The following SEZ6L2 variants were observed in gnomAD, a reference collection of about 807,000 sequenced individuals.
The protein encoded by SEZ6L2 is seizure related 6 homolog like 2.
A neutral mutation model predicts 97.0 loss-of-function variants in SEZ6L2; 44 were observed. The ratio of observed to expected loss-of-function variants is 0.45; its 90% CI spans 0.36 to 0.58. SEZ6L2 has a LOEUF of 0.58. SEZ6L2 is among the 20% of genes least tolerant of loss of function. The pLI is 0.00. For synonymous variants in SEZ6L2, 543 were observed against 546.1 expected, an observed-to-expected ratio of 0.99 and a Z score of 0.08; for missense variants, 1,086 against 1,233.3, an observed-to-expected ratio of 0.88 and a Z score of 1.79.
Position 29,873,725 on chromosome 16 carries a change from C to A in SEZ6L2, c.2109G>T (p.Met703Ile). 1 of 1,577,584 alleles carries A rather than the reference C, an allele frequency of 6.3e-7. No homozygotes were observed. Reference sequence around the variant, plus strand: ...CAATCTCGCCAGGGTCAGCACAAGTCATGACTGGTGGCAGAAGAACAAGGT... The same window carrying A: ...CAATCTCGCCAGGGTCAGCACAAGTAATGACTGGTGGCAGAAGAACAAGGT... The part of the protein sequence containing the change: ...SAAPPACQKI[M>I]TCADPGEIAN... Residue 703 changes from methionine to isoleucine, a missense_variant, in exon 13 of 18, where the codon ATG becomes ATT. Physicochemically the swap from Met to Ile is conservative, Grantham distance 10. Transcript: ENST00000617533. The surrounding 1 kb of genome is among the most constrained non-coding windows in gnomAD (Gnocchi z 4.3).
At chr16:29,885,477 C>A (rs544783124) in intron 8 of SEZ6L2, 109 bp downstream of exon 8, 3 of 1,221,148 alleles carry the variant, frequency 2.5e-6, no homozygotes, top group Admixed American at 2.0e-5. Context: ...TTTCAAGGAA[C>A]CCAGCACGGA....
At chr16:29,887,123 G>A (rs1305062620) in intron 7 of SEZ6L2, among the ~76,000 whole-genome samples, 1 of 150,082 alleles carries the variant, frequency 6.7e-6, no homozygotes, top group Non-Finnish European at 1.5e-5. Flanking sequence ...AGAGGTTGCG[G>A]TAAGCCAAGA....
Position 29,887,757 on chromosome 16 carries a change from C to T in SEZ6L2, c.1100G>A (p.Gly367Glu). The change falls in exon 7 of 18, where the codon GGG (glycine) becomes GAG (glutamate). Residue 367 changes from glycine to glutamate, a missense_variant. By Grantham distance (98) the Gly-to-Glu change is moderately conservative. Transcript: ENST00000617533. The part of the protein sequence containing the change: ...TLGRIVSPEP[G>E]GAVGPNLTCR... ...GGTGAGGTTGGGCCCTACGGCTCCC[C>T]CAGGCTCTGGGGACACGATGCGGCC... 1 of 1,613,852 alleles carries T rather than the reference C, an allele frequency of 6.2e-7. No individual in the cohort carries two copies.
intron 6 of SEZ6L2, 55 bp downstream of exon 6, chr16:29,888,485 C>A (rs2068195170): frequency 1.3e-6 from 2 of 1,569,632 alleles, no homozygotes; most frequent in African/African-American, 2.7e-5. Flanking sequence ...GAGATAGGAC[C>A]CTCCCAATGG....
intron 5 of SEZ6L2, among the ~76,000 whole-genome samples, chr16:29,890,753 T>C (rs2068254882): frequency 7.1e-6 from 1 of 139,974 alleles, no homozygotes; most frequent in African/African-American, 2.7e-5. Context: ...CTTTTTTTTT[T>C]TTTTTTTTTT....
rs1361459533 is a variant in SEZ6L2 at position 29,873,195 on chromosome 16, T to C, written c.2488+45A>G. 1 of 1,603,918 alleles carries C rather than the reference T, an allele frequency of 6.2e-7. No individual in the cohort carries two copies. The highest frequency in any genetic ancestry group is 1.3e-5 in the African/African-American group (1 of 74,804). On this transcript the variant is annotated intron_variant, in intron 14 of 17. Coordinates refer to ENST00000617533, the MANE Select transcript of SEZ6L2 (RefSeq NM_001243332.2). The surrounding 1 kb of genome is among the most constrained non-coding windows in gnomAD (Gnocchi z 4.3). ...TACCTGACTCTCCCAGCCCTGTCACTTCCCGGACACTGGTGTGCCCCTCCT... is the reference window on the plus strand; with the variant it reads ...TACCTGACTCTCCCAGCCCTGTCACCTCCCGGACACTGGTGTGCCCCTCCT...
rs749785731 is a variant in SEZ6L2 at position 29,872,503 on chromosome 16, G to A, written c.2551C>T (p.Arg851Trp). Residue 851 changes from arginine (R) to tryptophan (W), a missense_variant, in exon 16 of 18, where the codon CGG becomes TGG. Arg to Trp is a moderately radical substitution (Grantham distance 101, BLOSUM62 -3). Around this residue, in one of 2 missense-constraint regions of SEZ6L2, gnomAD observed 310 missense variants for 438.6 expected, o/e 0.71. Transcript: ENST00000617533. ...GCCAGGTTCCCCCCTTCCAGCTGCC[G>A]TGATGGATCTGTGGTCTGGGTCACT... ...LEVTQTTDPS[R>W]QLEGGNLALA... is the part of the protein sequence containing the mutation. 4.2e-5 allele frequency: 68 copies of A among 1,614,060 alleles called. No individual in the cohort carries two copies. The highest frequency in any genetic ancestry group is 3.3e-4 in the Middle Eastern group (2 of 6,084).
In SEZ6L2 at chr16:29,887,689, G is replaced by A. The variant is rs941802953; in HGVS notation, c.1168C>T (p.Leu390=). ...TCCAGCGAGACCCTTTCAAAGTGCA[G>A]GTGCAGCCGGCGCCCCTCAGCTGCT... ...IEAAEGRRLH[L]HFERVSLDED... The change falls in exon 7 of 18, where the codon CTG becomes TTG. Residue 390 remains leucine, a synonymous_variant. Coordinates refer to ENST00000617533, the MANE Select transcript of SEZ6L2 (RefSeq NM_001243332.2). 6.2e-7 allele frequency: 1 copy of A among 1,606,528 alleles called. No individual in the cohort carries two copies. Among genetic ancestry groups the A allele is most frequent in the Non-Finnish European group, 8.5e-7 (1 of 1,175,630 alleles).
At chr16:29,877,578 C>A (rs1199782628) in intron 10 of SEZ6L2, 111 bp from the exon 11 acceptor site, 2 of 988,844 alleles carry the variant, frequency 2.0e-6, no homozygotes, top group South Asian at 3.6e-5. Flanking sequence ...TCTCCAGCCC[C>A]GCCCATATTC....
chr16:29,889,548 C>T (rs1207912463), intron 5 of SEZ6L2, among the ~76,000 whole-genome samples: 1 of 151,500 alleles, frequency 6.6e-6, no homozygotes, highest in Non-Finnish European at 1.5e-5. Flanking sequence ...GCCTTTCTTC[C>T]ACCAAGGTGC....
Position 29,899,161 on chromosome 16 carries a change from T to C in SEZ6L2, c.-142A>G, listed in dbSNP as rs2068477548. 1.5e-6 allele frequency: 1 copy of C among 666,062 alleles called. No individual in the cohort carries two copies. The highest frequency in any genetic ancestry group is 2.0e-5 in the African/African-American group (1 of 51,136). 41.3% of individuals were successfully genotyped at this position (666,062 alleles called of 1,614,324 possible). A position where few individuals can be genotyped will look rare whatever the true frequency, so the allele number is the denominator to read the frequency against. ...CGTAGGAGTCAGCAAAGAAAGACAATTTCTCTGCCCCTTGGGATGGAGGGG... is the reference window on the plus strand; with the variant it reads ...CGTAGGAGTCAGCAAAGAAAGACAACTTCTCTGCCCCTTGGGATGGAGGGG... On this transcript the variant is annotated 5_prime_UTR_variant, in exon 1 of 18. Coordinates refer to ENST00000617533, the MANE Select transcript of SEZ6L2 (RefSeq NM_001243332.2).
In SEZ6L2 at chr16:29,877,429, T is replaced by A; in HGVS notation, c.1751A>T (p.Asp584Val). The change falls in exon 11 of 18, where the codon GAC becomes GTC. Residue 584 changes from aspartate (D) to valine (V), a missense_variant. Transcript: ENST00000617533. ...GACTCGGGCGCTGGGACCGTCCCCGTCGAACAGCGTCAGCATGTCCCCTTC... is the reference window on the plus strand; with the variant it reads ...GACTCGGGCGCTGGGACCGTCCCCGACGAACAGCGTCAGCATGTCCCCTTC... ...VREGDMLTLF[D>V]GDGPSARVLA... The A allele has an allele frequency of 6.2e-7, 1 of 1,609,012 alleles. No individual in the cohort carries two copies. The highest frequency in any genetic ancestry group is 8.5e-7 in the Non-Finnish European group (1 of 1,177,702).
At chr16:29,880,428 C>T (rs1037455138) in intron 8 of SEZ6L2, among the ~76,000 whole-genome samples, 7 of 151,770 alleles carry the variant, frequency 4.6e-5, no homozygotes, top group African/African-American at 1.7e-4. Context: ...TGGGTTCAAG[C>T]GATTCTCCTG....
rs368041119 is a variant in SEZ6L2 at position 29,897,897 on chromosome 16, T to G, written c.167A>C (p.His56Pro). Reference sequence around the variant, plus strand: ...TGGGCCCCTCCTCAGCAGGGCCCCATGAAGCAGTTCAGCCAGGGCCTCAGA... The same window carrying G: ...TGGGCCCCTCCTCAGCAGGGCCCCAGGAAGCAGTTCAGCCAGGGCCTCAGA... ...VASEALAELL[H>P]GALLRRGPEM... is the part of the protein sequence containing the mutation. Residue 56 changes from histidine to proline, a missense_variant, in exon 2 of 18, where the codon CAT (histidine) becomes CCT (proline). His to Pro is a moderately conservative substitution (Grantham distance 77, BLOSUM62 -2). Transcript: ENST00000617533. The G allele has an allele frequency of 1.2e-6, 2 of 1,613,476 alleles. No homozygotes were observed. The highest frequency in any genetic ancestry group is 1.7e-6 in the Non-Finnish European group (2 of 1,179,810).
chr16:29,877,394 G>C lies in SEZ6L2; in HGVS notation c.1786C>G (p.Leu596Val), dbSNP rs997002709. The C allele has an allele frequency of 6.2e-7, 1 of 1,613,180 alleles. No homozygotes were observed. Among genetic ancestry groups the C allele is most frequent in the Admixed American group, 1.7e-5 (1 of 59,940 alleles). The change falls in exon 11 of 18, where the codon CTG becomes GTG. Residue 596 changes from leucine to valine, a missense_variant. Around this residue, in one of 2 missense-constraint regions of SEZ6L2, gnomAD observed 776 missense variants for 794.7 expected, o/e 0.98. Coordinates refer to ENST00000617533, the MANE Select transcript of SEZ6L2 (RefSeq NM_001243332.2). ...DGPSARVLAQ[L>V]RGPQPRRRLL... ...CGGCGGCGCGGCTGAGGTCCCCGCAGCTGGGCCAAGACTCGGGCGCTGGGA... is the reference window on the plus strand; with the variant it reads ...CGGCGGCGCGGCTGAGGTCCCCGCACCTGGGCCAAGACTCGGGCGCTGGGA...
rs369862327 is a variant in SEZ6L2 at position 29,873,559 on chromosome 16, C to T, written c.2275G>A (p.Asp759Asn). The T allele has an allele frequency of 1.1e-5, 18 of 1,614,194 alleles. No individual in the cohort carries two copies. The highest frequency in any genetic ancestry group is 6.7e-5 in the Admixed American group (4 of 60,022). Residue 759 changes from aspartate (D) to asparagine (N), a missense_variant, in exon 13 of 18, where the codon GAT becomes AAT. Transcript: ENST00000617533. This position sits in a 1 kb window ranked among gnomAD's most constrained non-coding sequence, Gnocchi z 4.3. ...SRDTGTPKWS[D>N]RVPKCALKYE... The stretch of plus-strand genomic sequence containing the variant: ...TCACAGGCGCATTTGGGGACCCTAT[C>T]GCTCCACTTGGGTGTGCCTGTGTCC...
Position 29,873,515 on chromosome 16 carries a change from C to T in SEZ6L2, c.2296+23G>A. 3 of 1,614,086 alleles carry T rather than the reference C, an allele frequency of 1.9e-6. No homozygotes were observed. The highest frequency in any genetic ancestry group is 2.5e-6 in the Non-Finnish European group (3 of 1,179,982). On this transcript the variant is annotated intron_variant, in intron 13 of 17. Transcript: ENST00000617533. The surrounding 1 kb of genome is among the most constrained non-coding windows in gnomAD (Gnocchi z 4.3). ...TCTCCCAGGGCTACCCAGCCACCCT[C>T]CCAGGGTGTGCCCCAGACTCACAGG...
chr16:29,875,661 C>CTTTTTT lies in SEZ6L2; in HGVS notation c.2104+1094_2104+1095insAAAAAA, dbSNP rs149293940. 1.7e-3 allele frequency among the ~76,000 whole-genome samples: 187 copies of CTTTTTT among 112,682 alleles called. 3 individuals are homozygous for CTTTTTT. The highest frequency in any genetic ancestry group is 2.5e-3 in the Non-Finnish European group (142 of 57,578). The allele number at this position is 112,682 out of a possible 152,430, so 73.9% of individuals were successfully genotyped here. On this transcript the variant is annotated intron_variant, in intron 12 of 17. Coordinates refer to ENST00000617533, the MANE Select transcript of SEZ6L2 (RefSeq NM_001243332.2). ...CAATTTTCTTTTTCTTTCTTTCTTT[C>CTTTTTT]TTTCTTTTTTTTTTTTTTGAGATGG... is the stretch of plus-strand genomic sequence containing the variant.
At chr16:29,889,672 G>A (rs1168229389) in intron 5 of SEZ6L2, among the ~76,000 whole-genome samples, 1 of 127,124 alleles carries the variant, frequency 7.9e-6, no homozygotes, top group African/African-American at 2.9e-5. Flanking sequence ...GTGTTGCCCA[G>A]GCTGGAGTGC....
Sources: gnomAD v4.1 joint callset for allele counts (sites outside exome capture counted in the v4.1 genomes callset) on GRCh38, gnomAD v4.1.1 for gene constraint, gnomAD v4.1.1 regional missense constraint, Gnocchi (gnomAD v3.1) non-coding constraint, MANE v1.5 for transcripts, NCBI Gene and HGNC (gene_info 2026-07-23, HGNC 2026-07-21) for gene names.